The following TRAPPC6A variants were observed in gnomAD, a reference collection of about 807,000 sequenced individuals.
TRAPPC6A encodes the protein TRAPP complex subunit 6A.
Under a neutral mutation model 20.8 loss-of-function variants are expected in TRAPPC6A, and 25 were observed. The observed-to-expected ratio is 1.20, with a 90% CI of 0.88 to 1.68. The LOEUF (loss-of-function observed/expected upper bound fraction) is 1.68, where lower values mean the gene tolerates loss of function less well. TRAPPC6A is among the 40% of genes most tolerant of loss of function. The pLI is 0.00. For synonymous variants in TRAPPC6A, 96 were observed against 93.3 expected (o/e 1.03, Z -0.16); for missense variants, 215 against 211.6 (o/e 1.02, Z -0.10).
chr19:45,178,025 A>T (rs1969430923), intron 1 of TRAPPC6A, 110 bp downstream of exon 1: 1 of 1,562,330 alleles, frequency 6.4e-7, no homozygotes, highest in African/African-American at 1.4e-5. Flanking sequence ...GTTGCCCTGC[A>T]AGGCCGGGGC....
intron 1 of TRAPPC6A, among the ~76,000 whole-genome samples, chr19:45,176,518 A>G (rs550157805): frequency 1.3e-5 from 2 of 152,202 alleles, no homozygotes; most frequent in Admixed American, 6.5e-5. Flanking sequence ...AGGTCTTGCT[A>G]TGTTGCCCAG....
At chr19:45,167,292 T>G (rs1053022985) in intron 1 of TRAPPC6A, among the ~76,000 whole-genome samples, 1 of 152,184 alleles carries the variant, frequency 6.6e-6, no homozygotes, top group Non-Finnish European at 1.5e-5. Context: ...AAATGACATA[T>G]GATGAAACCA....
Position 45,163,935 on chromosome 19 carries a change from G to A in TRAPPC6A, c.429C>T (p.Ser143=), listed in dbSNP as rs201632191. The A allele has an allele frequency of 3.0e-5, 48 of 1,580,676 alleles. No individual in the cohort carries two copies. The highest frequency in any genetic ancestry group is 4.6e-5 in the South Asian group (4 of 86,090). ...TLGIESVVTA[S]VAALPVCKFQ... The stretch of plus-strand genomic sequence containing the variant: ...ACTCACAGACGGGCAGGGCTGCCAC[G>A]GAGGCGGTGACCACGCTCTCAATGC... Residue 143 remains serine, a synonymous_variant, in exon 5 of 6, where the codon TCC becomes TCT. Coordinates refer to ENST00000585934, the MANE Select transcript of TRAPPC6A (RefSeq NM_001270891.2). This position sits in a 1 kb window ranked among gnomAD's most constrained non-coding sequence, Gnocchi z 5.3.
rs561948620 is a variant in TRAPPC6A at position 45,169,568 on chromosome 19, T to C, written c.85-4374A>G. On this transcript the variant is annotated intron_variant, in intron 1 of 5. Coordinates refer to ENST00000585934, the MANE Select transcript of TRAPPC6A (RefSeq NM_001270891.2). ...AAGGCAGTTCCGGGAGCCTTACTTA[T>C]TGCATTCACAGCCTCCACATCTGTC... Among the ~76,000 whole-genome samples, 3 of 152,330 alleles carry C rather than the reference T, an allele frequency of 2.0e-5. No homozygotes were observed. The South Asian group carries it at 6.2e-4, about 32-fold the overall frequency.
intron 1 of TRAPPC6A, among the ~76,000 whole-genome samples, chr19:45,176,027 C>T (rs978098255): frequency 6.6e-6 from 1 of 152,120 alleles, no homozygotes; most frequent in African/African-American, 2.4e-5. Context: ...GGGTCTCACT[C>T]TATCACCCAG....
intron 1 of TRAPPC6A, among the ~76,000 whole-genome samples, chr19:45,174,164 C>G (rs561329994): frequency 2.6e-5 from 4 of 152,200 alleles, no homozygotes; most frequent in African/African-American, 9.6e-5. Flanking sequence ...CAAGGAACTC[C>G]GTCCATCAAA....
At chr19:45,164,784 GATTCCCCTCC>G (rs1444717169) in intron 3 of TRAPPC6A, 59 bp downstream of exon 3, 7 of 1,449,638 alleles carry the variant, frequency 4.8e-6, no homozygotes, top group East Asian at 2.3e-5. Flanking sequence ...GGCGCCGGGG[GATTCCCCTCC>G]CACTCTCTTG....
rs374984117 is a variant in TRAPPC6A, at chr19:45,163,981, C to A, written c.383G>T (p.Arg128Leu). The part of the protein sequence containing the change: ...KFLAFTCGLL[R>L]GALYTLGIES... ...AATGCCCAGGGTATAGAGGGCGCCG[C>A]GCAGGAGGCCGCAGGTGAAGGCCAG... Residue 128 changes from arginine (R) to leucine (L), a missense_variant, in exon 5 of 6, where the codon CGC becomes CTC. Transcript: ENST00000585934. The surrounding 1 kb of genome is among the most constrained non-coding windows in gnomAD (Gnocchi z 5.3). 2 of 1,575,406 alleles carry A rather than the reference C, an allele frequency of 1.3e-6. No individual in the cohort carries two copies. The highest frequency in any genetic ancestry group is 1.7e-6 in the Non-Finnish European group (2 of 1,160,514).
At chr19:45,176,061 T>C (rs964095345) in intron 1 of TRAPPC6A, among the ~76,000 whole-genome samples, 2 of 151,950 alleles carry the variant, frequency 1.3e-5, no homozygotes, top group East Asian at 1.9e-4. Flanking sequence ...GGCATGATCA[T>C]AGCTCACTGC....
At chr19:45,171,945 G>A (rs899348202) in intron 1 of TRAPPC6A, among the ~76,000 whole-genome samples, 2 of 152,132 alleles carry the variant, frequency 1.3e-5, no homozygotes, top group African/African-American at 4.8e-5. Context: ...TTTACTACAT[G>A]CACTCAGGGG....
chr19:45,163,246 G>A lies in TRAPPC6A; in HGVS notation c.449-23C>T, dbSNP rs375672811. ...TACCTGGAAGAGAAGGCCTGGCTTA[G>A]GCTTGAGGATGGGATGGGGGAGGCA... On this transcript the variant is annotated intron_variant, in intron 5 of 5. Transcript: ENST00000585934. This position sits in a 1 kb window ranked among gnomAD's most constrained non-coding sequence, Gnocchi z 5.3. 10 of 1,613,586 alleles carry A rather than the reference G, an allele frequency of 6.2e-6. No homozygotes were observed. In the African/African-American group the frequency reaches 1.2e-4, roughly 19 times the overall value.
In TRAPPC6A at chr19:45,163,517, G is replaced by C. The variant is rs920525524; in HGVS notation, c.449-294C>G. ...TGAGTGGGCCTGGGGAACCGGCAGA[G>C]GCAAAATAACTGAAGGTGGGGGAGG... On this transcript the variant is annotated intron_variant, in intron 5 of 5. Transcript: ENST00000585934. This position sits in a 1 kb window ranked among gnomAD's most constrained non-coding sequence, Gnocchi z 5.3. Among the ~76,000 whole-genome samples the C allele has an allele frequency of 2.6e-5, 4 of 152,036 alleles. No homozygotes were observed. Among genetic ancestry groups the C allele is most frequent in the Non-Finnish European group, 4.4e-5 (3 of 67,960 alleles).
rs1192921886 is a variant in TRAPPC6A, at chr19:45,165,262, G to T, written c.85-68C>A. 3.4e-6 allele frequency: 5 copies of T among 1,476,232 alleles called. 1 individual carries two copies. Among genetic ancestry groups the T allele is most frequent in the Middle Eastern group, 3.4e-4 (2 of 5,850 alleles). The allele number at this position is 1,476,232 out of a possible 1,614,324, so 91.4% of individuals were successfully genotyped here. ...ACGAACCCGGGGCCACCCAGGGGGG[G>T]ACCTGCCAGGGGACCCAAAGACCAA... On this transcript the variant is annotated intron_variant, in intron 1 of 5. Coordinates refer to ENST00000585934, the MANE Select transcript of TRAPPC6A (RefSeq NM_001270891.2).
chr19:45,164,654 T>C (rs1969103844), intron 3 of TRAPPC6A, 199 bp downstream of exon 3: 5 of 608,438 alleles, frequency 8.2e-6, no homozygotes, highest in Admixed American at 2.9e-5. Flanking sequence ...GCTGGAGAAG[T>C]TCCGGAAACA....
At chr19:45,170,198 C>T (rs1180259336) in intron 1 of TRAPPC6A, among the ~76,000 whole-genome samples, 7 of 152,218 alleles carry the variant, frequency 4.6e-5, no homozygotes, top group Non-Finnish European at 1.0e-4. Context: ...GTGCAGCCAA[C>T]CTGAGGGTCA....
chr19:45,176,261 G>A (rs889494456), intron 1 of TRAPPC6A, among the ~76,000 whole-genome samples: 6 of 151,514 alleles, frequency 4.0e-5, no homozygotes, highest in African/African-American at 1.5e-4. Context: ...AAACCATCCT[G>A]GCTAACATGG....
At position 45,164,157 on chromosome 19, in the gene TRAPPC6A, C is replaced by T. The variant is rs1412197586; in HGVS notation, c.354+7G>A. ...AGGTGTGGACAAGGCCCCAGCTCCC[C>T]CCATACCTTGGGTGCTTCCTCCAGA... On this transcript the variant is annotated splice_region_variant and intron_variant, in intron 4 of 5. Coordinates refer to ENST00000585934, the MANE Select transcript of TRAPPC6A (RefSeq NM_001270891.2). 1 of 1,600,276 alleles carries T rather than the reference C, an allele frequency of 6.2e-7. No homozygotes were observed. The highest frequency in any genetic ancestry group is 1.3e-5 in the African/African-American group (1 of 74,826).
rs576508211 is a variant in TRAPPC6A at position 45,162,982 on chromosome 19, G to A, written c.*210C>T. ...GCAGCTACTGGGCAGTGACGCTGCC[G>A]AGGCGGGAATCCCACCACAGTCCTG... On this transcript the variant is annotated 3_prime_UTR_variant, in exon 6 of 6. Coordinates refer to ENST00000585934, the MANE Select transcript of TRAPPC6A (RefSeq NM_001270891.2). 1.8e-5 allele frequency: 8 copies of A among 449,906 alleles called. No homozygotes were observed. The highest frequency in any genetic ancestry group is 1.3e-4 in the South Asian group (3 of 23,020). 27.9% of individuals were successfully genotyped at this position (449,906 alleles called of 1,614,324 possible). A position where few individuals can be genotyped will look rare whatever the true frequency, so the allele number is the denominator to read the frequency against.
At chr19:45,168,278 T>C (rs554482834) in intron 1 of TRAPPC6A, among the ~76,000 whole-genome samples, 95 of 151,920 alleles carry the variant, frequency 6.3e-4, no homozygotes, top group Middle Eastern at 3.4e-3. Flanking sequence ...GCTGGGATTA[T>C]AGGCGTGAGC....
Sources: allele counts gnomAD v4.1 joint callset (sites outside exome capture counted in the v4.1 genomes callset), GRCh38; gene constraint gnomAD v4.1.1; non-coding constraint Gnocchi (gnomAD v3.1); transcripts MANE v1.5; gene names NCBI Gene and HGNC (gene_info 2026-07-23, HGNC 2026-07-21).